Variants in RBPMS observed in about 807,000 individuals in gnomAD.
RBPMS encodes RNA-binding protein with multiple splicing.
Under a neutral mutation model 26.8 loss-of-function variants are expected in RBPMS, and 7 were observed. The ratio of observed to expected loss-of-function variants is 0.26; its 90% CI spans 0.15 to 0.49. The LOEUF is 0.49. RBPMS is among the 20% of genes least tolerant of loss of function. RBPMS has a pLI of 0.98. For missense variants in RBPMS, 186 were observed against 250.0 expected (o/e 0.74, Z 1.73); for synonymous variants, 96 against 93.3 (o/e 1.03, Z -0.17).
intron 1 of RBPMS, among the ~76,000 whole-genome samples, chr8:30,415,266 C>CCTTTA (rs1416564889): frequency 1.3e-5 from 2 of 152,192 alleles, no homozygotes; most frequent in African/African-American, 2.4e-5. Context: ...TGTTGACTTA[C>CCTTTA]CTTTACCCTG....
intron 1 of RBPMS, among the ~76,000 whole-genome samples, chr8:30,435,038 A>G (rs1053293577): frequency 2.6e-5 from 4 of 151,534 alleles, no homozygotes; most frequent in Admixed American, 2.6e-4. Context: ...CCATCCATCC[A>G]TCCGATCCAA....
intron 1 of RBPMS, among the ~76,000 whole-genome samples, chr8:30,395,498 C>T (rs1808216097): frequency 9.0e-6 from 1 of 110,872 alleles, no homozygotes; most frequent in African/African-American, 4.8e-5. Context: ...AGACCAGGTG[C>T]ATATCCAGAT....
chr8:30,486,364 T>TAAA (rs140824181), intron 4 of RBPMS, among the ~76,000 whole-genome samples: 1 of 140,386 alleles, frequency 7.1e-6, no homozygotes, highest in Non-Finnish European at 1.5e-5. Flanking sequence ...ATAAATAACA[T>TAAA]AAAAAAAAAA....
intron 4 of RBPMS, among the ~76,000 whole-genome samples, chr8:30,501,972 A>G (rs1036970452): frequency 6.6e-6 from 1 of 151,804 alleles, no homozygotes; most frequent in African/African-American, 2.4e-5. Flanking sequence ...TAACATTTAA[A>G]ATGTTTTTGG....
chr8:30,548,837 A>C (rs1300771540), intron 6 of RBPMS, among the ~76,000 whole-genome samples: 7 of 152,258 alleles, frequency 4.6e-5, no homozygotes, highest in African/African-American at 1.7e-4. Context: ...ATTTAAAAAA[A>C]AGCAAATCGT....
At chr8:30,466,506 G>A (rs1314714138) in intron 1 of RBPMS, among the ~76,000 whole-genome samples, 3 of 152,042 alleles carry the variant, frequency 2.0e-5, no homozygotes, top group South Asian at 2.1e-4. Flanking sequence ...TGATTGCACC[G>A]CTGCACTCCA....
chr8:30,569,599 G>A (rs1378708890), intron 8 of RBPMS, among the ~76,000 whole-genome samples: 1 of 152,200 alleles, frequency 6.6e-6, no homozygotes, highest in Non-Finnish European at 1.5e-5. Flanking sequence ...GGAAAGATGA[G>A]CAGGGGTGGA....
intron 1 of RBPMS, among the ~76,000 whole-genome samples, chr8:30,442,165 G>T (rs1472638590): frequency 6.6e-6 from 1 of 152,110 alleles, no homozygotes; most frequent in Non-Finnish European, 1.5e-5. Flanking sequence ...GGGCTCAAGC[G>T]TGGGAAATGT....
intron 6 of RBPMS, among the ~76,000 whole-genome samples, chr8:30,555,109 T>C (rs1826743019): frequency 6.6e-6 from 1 of 152,240 alleles, no homozygotes; most frequent in South Asian, 2.1e-4. Context: ...ATTATTTTTA[T>C]GGGTGGGTAC....
At chr8:30,385,707 C>G (rs913551353) in intron 1 of RBPMS, among the ~76,000 whole-genome samples, 2 of 152,068 alleles carry the variant, frequency 1.3e-5, no homozygotes, top group African/African-American at 2.4e-5. Flanking sequence ...GTCAAAGACC[C>G]CGAGCCTGGG....
At chr8:30,430,517 C>T (rs1811820484) in intron 1 of RBPMS, among the ~76,000 whole-genome samples, 1 of 152,152 alleles carries the variant, frequency 6.6e-6, no homozygotes, top group Non-Finnish European at 1.5e-5. Flanking sequence ...TCATCCATTT[C>T]CCAATGTACA....
intron 5 of RBPMS, among the ~76,000 whole-genome samples, chr8:30,524,658 T>G (rs972671389): frequency 1.3e-5 from 2 of 152,116 alleles, no homozygotes; most frequent in East Asian, 3.8e-4. Context: ...CATAGGAGGG[T>G]TAAAGACCCA....
intron 6 of RBPMS, among the ~76,000 whole-genome samples, chr8:30,557,111 C>T (rs1453169126): frequency 6.6e-6 from 1 of 152,232 alleles, no homozygotes; most frequent in Non-Finnish European, 1.5e-5. Flanking sequence ...GGACCCTGCT[C>T]TAGCTGGTCA....
At position 30,571,925 on chromosome 8, in the gene RBPMS, T is replaced by C. The variant is rs1300482284; in HGVS notation, c.*1400T>C. ...TGAAAATTTCAATGTCATGATTACC[T>C]GGTTGGTTTGGGTTTTTGTTTTGTT... On this transcript the variant is annotated 3_prime_UTR_variant, in exon 9 of 9. Transcript: ENST00000397323. The C allele has an allele frequency of 1.3e-5, 2 of 152,238 alleles. No individual in the cohort carries two copies. The highest frequency in any genetic ancestry group is 2.9e-5 in the Non-Finnish European group (2 of 68,040). The allele number at this position is 152,238 out of a possible 1,614,324, so 9.4% of individuals were successfully genotyped here.
chr8:30,494,892 GT>G (rs1368953602), intron 4 of RBPMS, among the ~76,000 whole-genome samples: 5 of 152,152 alleles, frequency 3.3e-5, no homozygotes, highest in Non-Finnish European at 7.4e-5. Flanking sequence ...ACAATGTATT[GT>G]TTTCACCATA....
intron 1 of RBPMS, among the ~76,000 whole-genome samples, chr8:30,436,893 G>A (rs922312633): frequency 4.0e-5 from 6 of 151,368 alleles, no homozygotes; most frequent in Non-Finnish European, 5.9e-5. Flanking sequence ...GAACCTTTAC[G>A]TGTTTACACT....
chr8:30,477,172 C>G (rs1817787490), intron 2 of RBPMS, among the ~76,000 whole-genome samples: 1 of 152,120 alleles, frequency 6.6e-6, no homozygotes, highest in Non-Finnish European at 1.5e-5. Flanking sequence ...CCTGCCTCAG[C>G]CTCCCAAGTA....
rs534114312 is a variant in RBPMS, at chr8:30,501,912, C to T, written c.247-2374C>T. On this transcript the variant is annotated intron_variant, in intron 4 of 8. Transcript: ENST00000397323. ...CTTTTTCTTTTTTCCCTCTTCGTTT[C>T]TGTGTTCTCCCTTTTCCTGCCCCTC... Among the ~76,000 whole-genome samples, 18 of 152,200 alleles carry T rather than the reference C, an allele frequency of 1.2e-4. No individual in the cohort carries two copies. The South Asian group carries it at 3.7e-3, about 32-fold the overall frequency.
At chr8:30,537,333 C>T (rs1278856211) in intron 5 of RBPMS, among the ~76,000 whole-genome samples, 4 of 152,124 alleles carry the variant, frequency 2.6e-5, no homozygotes, top group Non-Finnish European at 4.4e-5. Context: ...TGACTCTGGG[C>T]CAGTTGAATC....
Sources: allele counts gnomAD v4.1 joint callset (sites outside exome capture counted in the v4.1 genomes callset), GRCh38; gene constraint gnomAD v4.1.1; transcripts MANE v1.5; gene names NCBI Gene and HGNC (gene_info 2026-07-23, HGNC 2026-07-21).